Variants in B4GALNT3 observed in about 807,000 individuals in gnomAD.
B4GALNT3 encodes the protein beta-1,4-N-acetyl-galactosaminyltransferase 3.
B4GALNT3 carries 86 observed loss-of-function variants against 120.2 expected under a neutral mutation model. The ratio of observed to expected loss-of-function variants is 0.72; its 90% CI spans 0.60 to 0.86. B4GALNT3 has a LOEUF of 0.86. Among genes scored for constraint, B4GALNT3 ranks in the 40% least tolerant of loss-of-function variants. The pLI, the probability that B4GALNT3 is intolerant of heterozygous loss-of-function variation, is 0.00. For missense variants in B4GALNT3, 1,167 were observed against 1,298.9 expected (o/e 0.90, Z 1.56); for synonymous variants, 518 against 510.4 (o/e 1.01, Z -0.20).
In B4GALNT3 at chr12:548,471, T is replaced by C. The variant is rs1947035620; in HGVS notation, c.853+174T>C. Among the ~76,000 whole-genome samples the C allele has an allele frequency of 6.6e-6, 1 of 151,966 alleles. No homozygotes were observed. Among genetic ancestry groups the C allele is most frequent in the Non-Finnish European group, 1.5e-5 (1 of 68,000 alleles). On this transcript the variant is annotated intron_variant, in intron 9 of 19. Transcript: ENST00000266383. This position sits in a 1 kb window ranked among gnomAD's most constrained non-coding sequence, Gnocchi z 4.9. ...GACCTTATGACCAGGAGTCCTTAAC[T>C]CCCCAGGGTCAGTGACCCCTTTGAG...
intron 1 of B4GALNT3, among the ~76,000 whole-genome samples, chr12:475,117 A>G (rs1273660066): frequency 6.6e-6 from 1 of 152,150 alleles, no homozygotes; most frequent in Non-Finnish European, 1.5e-5. Context: ...CTATCTAAAA[A>G]GAAAGAAAAG....
At chr12:542,097 T>C (rs895489686) in intron 3 of B4GALNT3, among the ~76,000 whole-genome samples, 1 of 152,080 alleles carries the variant, frequency 6.6e-6, no homozygotes, top group African/African-American at 2.4e-5. Context: ...CCAGCCTACT[T>C]TCCCTCTCCC....
At chr12:536,425 A>G (rs1038846692) in intron 3 of B4GALNT3, 130 bp downstream of exon 3, 3 of 645,868 alleles carry the variant, frequency 4.6e-6, no homozygotes, top group Non-Finnish European at 5.2e-6. Flanking sequence ...AGAGCTAAAA[A>G]ATAATGTTTA....
chr12:501,040 A>C (rs1177344212), intron 1 of B4GALNT3, among the ~76,000 whole-genome samples: 4 of 139,150 alleles, frequency 2.9e-5, no homozygotes, highest in Non-Finnish European at 6.0e-5. Flanking sequence ...CTCCCGGCTA[A>C]TTTTTGTACT....
At chr12:519,773 C>T (rs568493256) in intron 1 of B4GALNT3, among the ~76,000 whole-genome samples, 6 of 152,204 alleles carry the variant, frequency 3.9e-5, no homozygotes, top group South Asian at 4.2e-4. Context: ...TTAGGTTGAG[C>T]GACTGCTGTT....
Position 559,386 on chromosome 12 carries a change from C to T in B4GALNT3, c.2853C>T (p.Asp951=), listed in dbSNP as rs1186389996. ...GCATGAACACCAAGGAGTTCCGAGA[C>T]CGCTGGGGCGGGGAAGACTGGGAGC... ...IGGMNTKEFR[D]RWGGEDWELL... is the part of the protein sequence containing the mutation. The change falls in exon 19 of 20, where the codon GAC becomes GAT. Residue 951 remains aspartate, a synonymous_variant. Coordinates refer to ENST00000266383, the MANE Select transcript of B4GALNT3 (RefSeq NM_173593.4). The T allele has an allele frequency of 3.1e-6, 5 of 1,614,034 alleles. No homozygotes were observed. Among genetic ancestry groups the T allele is most frequent in the South Asian group, 1.1e-5 (1 of 91,078 alleles).
At chr12:501,478 G>A (rs1308597534) in intron 1 of B4GALNT3, among the ~76,000 whole-genome samples, 5 of 152,176 alleles carry the variant, frequency 3.3e-5, no homozygotes, top group African/African-American at 1.2e-4. Context: ...CTACTCGGGA[G>A]GCTGAGGAGG....
chr12:545,034 G>T, intron 5 of B4GALNT3, 62 bp downstream of exon 5: 1 of 1,586,688 alleles, frequency 6.3e-7, no homozygotes, highest in South Asian at 1.1e-5. Context: ...CGGACCCAAA[G>T]AACATAAGAT....
At position 561,520 on chromosome 12, in the gene B4GALNT3, C is replaced by T; in HGVS notation, c.*69C>T. On this transcript the variant is annotated 3_prime_UTR_variant, in exon 20 of 20. Coordinates refer to ENST00000266383, the MANE Select transcript of B4GALNT3 (RefSeq NM_173593.4). ...GCAGTGGCTCCCCAGGGCCCTGCTA[C>T]TGTTCAGGGATGGGGAGTGGGGTGA... 2 of 1,273,842 alleles carry T rather than the reference C, an allele frequency of 1.6e-6. No homozygotes were observed. The highest frequency in any genetic ancestry group is 2.5e-5 in the South Asian group (2 of 79,150). The allele number at this position is 1,273,842 out of a possible 1,614,324, so 78.9% of individuals were successfully genotyped here.
intron 1 of B4GALNT3, among the ~76,000 whole-genome samples, chr12:488,985 A>G (rs1365877590): frequency 6.6e-6 from 1 of 152,170 alleles, no homozygotes; most frequent in Admixed American, 6.5e-5. Flanking sequence ...GACTGCAGCT[A>G]TAAAAAAGAA....
chr12:521,776 C>T lies in B4GALNT3; in HGVS notation c.170-13390C>T, dbSNP rs12424486. Among the ~76,000 whole-genome samples the T allele has an allele frequency of 9.7e-4, 147 of 152,248 alleles. 1 individual carries two copies. The highest frequency in any genetic ancestry group is 3.4e-3 in the Middle Eastern group (1 of 294). On this transcript the variant is annotated intron_variant, in intron 1 of 19. Transcript: ENST00000266383. Reference sequence around the variant, plus strand: ...ACGTGCTCGCTCTAAGTTCCTGTACCGGCCTCACTGAGGACAGGCAACCAA... The same window carrying T: ...ACGTGCTCGCTCTAAGTTCCTGTACTGGCCTCACTGAGGACAGGCAACCAA...
chr12:514,850 G>A (rs1946637322), intron 1 of B4GALNT3, among the ~76,000 whole-genome samples: 1 of 151,980 alleles, frequency 6.6e-6, no homozygotes, highest in Non-Finnish European at 1.5e-5. Context: ...CCAACATGGT[G>A]AAACCTCGTC....
intron 1 of B4GALNT3, among the ~76,000 whole-genome samples, chr12:520,581 G>A (rs1018500008): frequency 1.9e-4 from 29 of 152,248 alleles, no homozygotes; most frequent in African/African-American, 7.0e-4. Context: ...CCATCATAAC[G>A]GCCGATGTCT....
intron 1 of B4GALNT3, among the ~76,000 whole-genome samples, chr12:532,076 G>T (rs1009724): frequency 6.6e-6 from 1 of 152,096 alleles, no homozygotes; most frequent in South Asian, 2.1e-4. Context: ...AAAGTCCTGG[G>T]ATTCCAGGCA....
chr12:544,439 G>T lies in B4GALNT3; in HGVS notation c.447+5G>T. 1.2e-6 allele frequency: 2 copies of T among 1,613,370 alleles called. No homozygotes were observed. The highest frequency in any genetic ancestry group is 1.7e-6 in the Non-Finnish European group (2 of 1,179,592). ...CATTTCCCACTGTACCCCCATGTGA[G>T]TGCCTGAGGGCTGCCTTGCCCACCT... is the stretch of plus-strand genomic sequence containing the variant. On this transcript the variant is annotated splice_donor_5th_base_variant and intron_variant, in intron 4 of 19. Transcript: ENST00000266383.
chr12:506,471 C>A (rs1169990980), intron 1 of B4GALNT3, among the ~76,000 whole-genome samples: 1 of 152,020 alleles, frequency 6.6e-6, no homozygotes, highest in African/African-American at 2.4e-5. Flanking sequence ...CATTTTATTT[C>A]TATTTTTTAA....
rs371504711 is a variant in B4GALNT3 at position 527,438 on chromosome 12, G to A, written c.170-7728G>A. Among the ~76,000 whole-genome samples, 300 of 152,344 alleles carry A rather than the reference G, an allele frequency of 2.0e-3. 1 individual carries two copies. Among genetic ancestry groups the A allele is most frequent in the African/African-American group, 6.7e-3 (278 of 41,588 alleles). On this transcript the variant is annotated intron_variant, in intron 1 of 19. Transcript: ENST00000266383. Reference sequence around the variant, plus strand: ...CCTCAGCCTGCCTGCAGCCACAGCCGTTTCAGTAGCTCAGGTGCTAGCTTG... The same window carrying A: ...CCTCAGCCTGCCTGCAGCCACAGCCATTTCAGTAGCTCAGGTGCTAGCTTG...
intron 5 of B4GALNT3, 78 bp downstream of exon 5, chr12:545,050 T>C: frequency 6.4e-7 from 1 of 1,553,348 alleles, no homozygotes; most frequent in Non-Finnish European, 8.7e-7. Flanking sequence ...AAGATAAGGT[T>C]ATAGGTAGAC....
chr12:535,043 A>C, intron 1 of B4GALNT3, 123 bp from the exon 2 acceptor site: 1 of 748,090 alleles, frequency 1.3e-6, no homozygotes, highest in Non-Finnish European at 2.1e-6. Flanking sequence ...CCCTCTTCCC[A>C]CCCACCCTCT....
Sources: gnomAD v4.1 joint callset for allele counts (sites outside exome capture counted in the v4.1 genomes callset) on GRCh38, gnomAD v4.1.1 for gene constraint, Gnocchi (gnomAD v3.1) non-coding constraint, MANE v1.5 for transcripts, NCBI Gene and HGNC (gene_info 2026-07-23, HGNC 2026-07-21) for gene names.